PPARGC1A: variants seen among roughly 807,000 people sequenced by gnomAD.
The protein encoded by PPARGC1A is peroxisome proliferator-activated receptor gamma coactivator 1-alpha.
A neutral mutation model predicts 88.7 loss-of-function variants in PPARGC1A; 25 were observed. The observed-to-expected ratio is 0.28, with a 90% CI of 0.21 to 0.39. The LOEUF is 0.39. Among genes scored for constraint, PPARGC1A ranks in the 10% least tolerant of loss-of-function variants. The pLI, the probability that PPARGC1A is intolerant of heterozygous loss-of-function variation, is 1.00. For missense variants in PPARGC1A, 880 were observed against 968.7 expected, an observed-to-expected ratio of 0.91 and a Z score of 1.22; for synonymous variants, 363 against 355.6, an observed-to-expected ratio of 1.02 and a Z score of -0.24.
At chr4:23,910,624 G>A in the PPARGC1A span, among the ~76,000 whole-genome samples, 8 of 149,836 alleles carry the variant, frequency 5.3e-5, no homozygotes, top group Admixed American at 1.4e-4. Context: ...ATTTTTAGGA[G>A]ACATGGGGTT....
the PPARGC1A span, among the ~76,000 whole-genome samples, chr4:24,462,557 G>A: frequency 1.9e-4 from 29 of 151,876 alleles, no homozygotes; most frequent in Non-Finnish European, 3.7e-4. Context: ...CCTTGGCTAC[G>A]TTACTTCATC....
the PPARGC1A span, among the ~76,000 whole-genome samples, chr4:24,316,319 G>C: frequency 6.6e-6 from 1 of 152,168 alleles, no homozygotes; most frequent in Non-Finnish European, 1.5e-5. Context: ...CAAGCTGCTG[G>C]CTCAGTATAG....
At chr4:24,169,374 C>T in the PPARGC1A span, among the ~76,000 whole-genome samples, 2 of 151,998 alleles carry the variant, frequency 1.3e-5, no homozygotes, top group African/African-American at 4.8e-5. Flanking sequence ...GGTATAAAAA[C>T]CAGAAATTCG....
At chr4:23,987,337 C>T in the PPARGC1A span, among the ~76,000 whole-genome samples, 1 of 151,982 alleles carries the variant, frequency 6.6e-6, no homozygotes. Flanking sequence ...AGATCCAAAC[C>T]TTTGCATGCA....
At chr4:23,832,012 G>GT (rs1386534533) in intron 2 of PPARGC1A, among the ~76,000 whole-genome samples, 5 of 152,264 alleles carry the variant, frequency 3.3e-5, no homozygotes, top group African/African-American at 1.2e-4. Flanking sequence ...TAAAACTGCT[G>GT]TATGCAATTC....
chr4:23,886,939 T>C (rs1037813408), intron 1 of PPARGC1A, among the ~76,000 whole-genome samples: 6 of 151,972 alleles, frequency 3.9e-5, no homozygotes, highest in Non-Finnish European at 8.8e-5. Flanking sequence ...TGTCTACATA[T>C]GGCTTAAGTT....
the PPARGC1A span, among the ~76,000 whole-genome samples, chr4:24,151,428 C>T: frequency 2.0e-5 from 3 of 152,080 alleles, no homozygotes; most frequent in South Asian, 6.2e-4. Flanking sequence ...GTCATGAAGG[C>T]CCTTCTCTCA....
At chr4:24,402,090 T>C in the PPARGC1A span, among the ~76,000 whole-genome samples, 2 of 152,214 alleles carry the variant, frequency 1.3e-5, no homozygotes, top group Non-Finnish European at 2.9e-5. Context: ...GAAGCGCTGC[T>C]GAATAGAACT....
At chr4:24,010,893 G>C in the PPARGC1A span, among the ~76,000 whole-genome samples, 1 of 152,104 alleles carries the variant, frequency 6.6e-6, no homozygotes, top group African/African-American at 2.4e-5. Context: ...CTGAGATCTT[G>C]GTTTTAGAAT....
At chr4:24,397,843 T>C in the PPARGC1A span, among the ~76,000 whole-genome samples, 1 of 152,188 alleles carries the variant, frequency 6.6e-6, no homozygotes, top group African/African-American at 2.4e-5. Flanking sequence ...TGCAAAACAG[T>C]GTATAAAATG....
the PPARGC1A span, among the ~76,000 whole-genome samples, chr4:24,432,461 A>T: frequency 6.6e-6 from 1 of 152,214 alleles, no homozygotes; most frequent in Non-Finnish European, 1.5e-5. Flanking sequence ...CCAAAGACTT[A>T]GCGCAAATCA....
chr4:24,446,103 A>G, the PPARGC1A span, among the ~76,000 whole-genome samples: 11 of 152,180 alleles, frequency 7.2e-5, no homozygotes, highest in Non-Finnish European at 1.5e-4. Flanking sequence ...ACATTCATCC[A>G]TTCAATATAA....
At chr4:23,973,337 C>T in the PPARGC1A span, among the ~76,000 whole-genome samples, 2 of 152,188 alleles carry the variant, frequency 1.3e-5, no homozygotes, top group African/African-American at 4.8e-5. Flanking sequence ...ACTTTATTTT[C>T]CTTTCTTTGA....
chr4:24,150,671 T>C, the PPARGC1A span, among the ~76,000 whole-genome samples: 3 of 152,272 alleles, frequency 2.0e-5, no homozygotes, highest in South Asian at 6.2e-4. Context: ...AGCGATCTTT[T>C]CAGTGCCGTG....
chr4:24,469,366 T>C, the PPARGC1A span, among the ~76,000 whole-genome samples: 10 of 152,214 alleles, frequency 6.6e-5, no homozygotes, highest in Non-Finnish European at 1.3e-4. Flanking sequence ...AAAATGGAGA[T>C]TGTGGCAGTG....
chr4:24,290,124 C>T, the PPARGC1A span, among the ~76,000 whole-genome samples: 6 of 152,206 alleles, frequency 3.9e-5, no homozygotes, highest in African/African-American at 1.2e-4. Context: ...CATAGGATCC[C>T]TCCCACGACA....
chr4:23,819,900 C>CATTTAAAAAAT (rs1722670560), intron 7 of PPARGC1A, among the ~76,000 whole-genome samples: 3 of 151,988 alleles, frequency 2.0e-5, no homozygotes, highest in Admixed American at 2.0e-4. Context: ...TTAAAACTAC[C>CATTTAAAAAAT]GACAACTACC....
the PPARGC1A span, among the ~76,000 whole-genome samples, chr4:24,349,948 T>C: frequency 3.9e-5 from 6 of 152,338 alleles, no homozygotes; most frequent in South Asian, 6.2e-4. Context: ...AATGGGCTGC[T>C]TGGGGACCCA....
chr4:24,188,741 T>G, the PPARGC1A span, among the ~76,000 whole-genome samples: 1 of 152,096 alleles, frequency 6.6e-6, no homozygotes, highest in Non-Finnish European at 1.5e-5. Context: ...ATATAGTGGT[T>G]GCTCAAAATA....
Sources: allele counts gnomAD v4.1 joint callset (sites outside exome capture counted in the v4.1 genomes callset), GRCh38; gene constraint gnomAD v4.1.1; transcripts MANE v1.5; gene names NCBI Gene and HGNC (gene_info 2026-07-23, HGNC 2026-07-21).